The following OLFML2A variants were observed in gnomAD, a reference collection of about 807,000 sequenced individuals.
OLFML2A encodes the protein olfactomedin-like protein 2A.
Under a neutral mutation model 60.9 loss-of-function variants are expected in OLFML2A, and 47 were observed. That is an observed-to-expected ratio of 0.77 (90% CI 0.61 to 0.98). The LOEUF is 0.98. Ranked by LOEUF, OLFML2A falls within the 50% of genes least tolerant of loss-of-function variation. OLFML2A has a pLI of 0.00. For synonymous variants in OLFML2A, 372 were observed against 375.0 expected (o/e 0.99, Z 0.09); for missense variants, 922 against 879.8 (o/e 1.05, Z -0.61).
In OLFML2A at chr9:124,807,910, A is replaced by G. The variant is rs772208613; in HGVS notation, c.1298A>G (p.Asn433Ser). ...CGAGACGACAGGATCTATGTCACCA[A>G]CTACTACTATGGAAACAGCCTGGTG... Reference protein sequence around the residue: ...AARDDRIYVTNYYYGNSLVEF... With the variant: ...AARDDRIYVTSYYYGNSLVEF... Residue 433 changes from asparagine to serine, a missense_variant, in exon 7 of 8, where the codon AAC (asparagine) becomes AGC (serine). Asn to Ser is a conservative substitution (Grantham distance 46, BLOSUM62 1). Coordinates refer to ENST00000373580, the MANE Select transcript of OLFML2A (RefSeq NM_182487.4). 113 of 1,614,056 alleles carry G rather than the reference A, an allele frequency of 7.0e-5. No homozygotes were observed. The highest frequency in any genetic ancestry group is 8.7e-5 in the Non-Finnish European group (103 of 1,180,008).
rs1010700015 is a variant in OLFML2A at position 124,777,168 on chromosome 9, G to C, written c.-103G>C. 5.0e-6 allele frequency: 2 copies of C among 396,842 alleles called. No homozygotes were observed. Among genetic ancestry groups the C allele is most frequent in the Non-Finnish European group, 8.3e-6 (2 of 240,802 alleles). The allele number at this position is 396,842 out of a possible 1,614,324, so 24.6% of individuals were successfully genotyped here. ...GGCTGGCAGCAGGGTGCAGGCGCGG[G>C]GCGCGGGGCAGGCAGAGCGGGCGAA... is the stretch of plus-strand genomic sequence containing the variant. On this transcript the variant is annotated 5_prime_UTR_variant, in exon 1 of 8. Coordinates refer to ENST00000373580, the MANE Select transcript of OLFML2A (RefSeq NM_182487.4). This position sits in a 1 kb window ranked among gnomAD's most constrained non-coding sequence, Gnocchi z 6.2.
chr9:124,785,651 C>T (rs573477369), intron 1 of OLFML2A, among the ~76,000 whole-genome samples: 5 of 151,978 alleles, frequency 3.3e-5, no homozygotes, highest in Admixed American at 1.3e-4. Context: ...CTGCCTGCCT[C>T]GGCCTCCCAA....
chr9:124,793,128 ACTGGCCTGTGCAGGCC>A (rs1482256211), intron 2 of OLFML2A, among the ~76,000 whole-genome samples: 1 of 152,252 alleles, frequency 6.6e-6, no homozygotes. Context: ...AGGCAGGAGC[ACTGGCCTGTGCAGGCC>A]CTGGGAAATG....
rs144464975 is a variant in OLFML2A at position 124,789,392 on chromosome 9, G to C, written c.354+2154G>C. ...AGCTGGCAGAAGATGCAGCCTCCTG[G>C]TTCAAAGACAAAGGACTTTATTACA... On this transcript the variant is annotated intron_variant, in intron 2 of 7. Transcript: ENST00000373580. 3.6e-3 allele frequency among the ~76,000 whole-genome samples: 554 copies of C among 152,302 alleles called. 6 individuals are homozygous for C. The highest frequency in any genetic ancestry group is 0.013 in the African/African-American group (529 of 41,564).
chr9:124,799,857 C>T (rs549429131), intron 4 of OLFML2A, among the ~76,000 whole-genome samples: 5 of 152,210 alleles, frequency 3.3e-5, no homozygotes, highest in Non-Finnish European at 7.3e-5. Flanking sequence ...CACTTCTAGC[C>T]TCCCCTGCTG....
intron 1 of OLFML2A, among the ~76,000 whole-genome samples, chr9:124,780,974 G>A (rs948226435): frequency 3.9e-5 from 6 of 152,180 alleles, no homozygotes; most frequent in South Asian, 4.1e-4. Context: ...CTGAACCATC[G>A]GGTTAGAGCA....
chr9:124,795,221 A>G (rs1192801653), intron 3 of OLFML2A, 90 bp downstream of exon 3: 1 of 674,080 alleles, frequency 1.5e-6, no homozygotes, highest in Non-Finnish European at 2.6e-6. Flanking sequence ...TCCAGGCTTC[A>G]CCCTGGTGAC....
rs576705586 is a variant in OLFML2A, at chr9:124,784,533, A to G, written c.91-2442A>G. On this transcript the variant is annotated intron_variant, in intron 1 of 7. Coordinates refer to ENST00000373580, the MANE Select transcript of OLFML2A (RefSeq NM_182487.4). Reference sequence around the variant, plus strand: ...ATTATTTAAAAGTGTAATGCATGTGAAACCTGGTATATAAGTGATCAATAA... The same window carrying G: ...ATTATTTAAAAGTGTAATGCATGTGGAACCTGGTATATAAGTGATCAATAA... 1.1e-3 allele frequency among the ~76,000 whole-genome samples: 169 copies of G among 152,342 alleles called. No homozygotes were observed. The Middle Eastern group carries it at 0.014, about 12-fold the overall frequency.
In OLFML2A at chr9:124,813,335, T is replaced by G. The variant is rs1469243238; in HGVS notation, c.*2923T>G. The G allele has an allele frequency of 6.6e-6, 1 of 152,244 alleles. No homozygotes were observed. The highest frequency in any genetic ancestry group is 6.5e-5 in the Admixed American group (1 of 15,270). 9.4% of individuals were successfully genotyped at this position (152,244 alleles called of 1,614,324 possible). A position where few individuals can be genotyped will look rare whatever the true frequency, so the allele number is the denominator to read the frequency against. ...AGGCAGTTAAGTGGAGAACCAGGTT[T>G]CAAAATCAGGTAAGAAAACCATCAT... On this transcript the variant is annotated 3_prime_UTR_variant, in exon 8 of 8. Transcript: ENST00000373580.
At chr9:124,804,388 A>G (rs1201931848) in intron 6 of OLFML2A, 46 bp downstream of exon 6, 5 of 1,482,104 alleles carry the variant, frequency 3.4e-6, no homozygotes, top group Non-Finnish European at 4.5e-6. Context: ...CTGTGCCCAA[A>G]TCTAGCCCAC....
At chr9:124,801,222 G>A in intron 4 of OLFML2A, 192 bp from the exon 5 acceptor site, 2 of 882,402 alleles carry the variant, frequency 2.3e-6, no homozygotes, top group Non-Finnish European at 3.5e-6. Flanking sequence ...AGCTGGGTGA[G>A]GAAACTGAGG....
In OLFML2A at chr9:124,813,027, C is replaced by T. The variant is rs1027343470; in HGVS notation, c.*2615C>T. 8.0e-5 allele frequency: 12 copies of T among 150,092 alleles called. No individual in the cohort carries two copies. Among genetic ancestry groups the T allele is most frequent in the African/African-American group, 2.9e-4 (12 of 41,278 alleles). The allele number at this position is 150,092 out of a possible 1,614,324, so 9.3% of individuals were successfully genotyped here. On this transcript the variant is annotated 3_prime_UTR_variant, in exon 8 of 8. Transcript: ENST00000373580. ...GAATGCAATGGCGCGATTCAGCTCA[C>T]TGCAATCTCCGCCTCCCGGGTTCAA...
In OLFML2A at chr9:124,799,361, A is replaced by T; in HGVS notation, c.539A>T (p.His180Leu). ...CGCCACCTCAGTGAGCAGTTGAGGC[A>T]CTATGAGAATCACTCTGCCATCATG... ...SVRHLSEQLRHYENHSAIMLG... is the reference protein window; with the variant it reads ...SVRHLSEQLRLYENHSAIMLG... The change falls in exon 4 of 8, where the codon CAC becomes CTC. Residue 180 changes from histidine (H) to leucine (L), a missense_variant. Coordinates refer to ENST00000373580, the MANE Select transcript of OLFML2A (RefSeq NM_182487.4). The T allele has an allele frequency of 6.2e-7, 1 of 1,613,858 alleles. No individual in the cohort carries two copies. Among genetic ancestry groups the T allele is most frequent in the Non-Finnish European group, 8.5e-7 (1 of 1,179,882 alleles).
chr9:124,801,376 T>C (rs757044987), intron 4 of OLFML2A, 38 bp from the exon 5 acceptor site: 40 of 1,609,274 alleles, frequency 2.5e-5, no homozygotes, highest in Non-Finnish European at 3.1e-5. Context: ...ACATTTCTTC[T>C]ACTGTCCTTC....
At chr9:124,793,076 A>G (rs988918230) in intron 2 of OLFML2A, among the ~76,000 whole-genome samples, 3 of 152,212 alleles carry the variant, frequency 2.0e-5, no homozygotes, top group Admixed American at 6.5e-5. Context: ...ACCCCCTGGG[A>G]AGGTGGGAGT....
intron 2 of OLFML2A, among the ~76,000 whole-genome samples, chr9:124,793,781 T>C (rs754618590): frequency 6.6e-6 from 1 of 152,274 alleles, no homozygotes; most frequent in Non-Finnish European, 1.5e-5. Flanking sequence ...ATCCCAGTGC[T>C]TTGGGAGGCT....
Position 124,804,216 on chromosome 9 carries a change from G to A in OLFML2A, c.1042G>A (p.Val348Met). Residue 348 changes from valine (V) to methionine (M), a missense_variant, in exon 6 of 8, where the codon GTG becomes ATG. Physicochemically the swap from Val to Met is conservative, Grantham distance 21. Coordinates refer to ENST00000373580, the MANE Select transcript of OLFML2A (RefSeq NM_182487.4). ...DEAEPRSSER[V>M]DLASGTPTSI... is the part of the protein sequence containing the mutation. ...GGCTGAGCCCAGGTCCTCCGAGCGA[G>A]TGGACCTGGCTTCTGGCACCCCCAC... 6.2e-7 allele frequency: 1 copy of A among 1,614,072 alleles called. No homozygotes were observed. The highest frequency in any genetic ancestry group is 2.2e-5 in the East Asian group (1 of 44,872).
intron 2 of OLFML2A, among the ~76,000 whole-genome samples, chr9:124,793,633 C>T (rs1841608872): frequency 6.6e-6 from 1 of 152,234 alleles, no homozygotes; most frequent in South Asian, 2.1e-4. Flanking sequence ...CTGCATCCAT[C>T]TGTAAAATGA....
intron 7 of OLFML2A, among the ~76,000 whole-genome samples, chr9:124,809,148 C>T (rs957194814): frequency 6.6e-6 from 1 of 152,002 alleles, no homozygotes; most frequent in East Asian, 1.9e-4. Flanking sequence ...GCCTGGATGA[C>T]AGAGAGAGAC....
Sources: gnomAD v4.1 joint callset for allele counts (sites outside exome capture counted in the v4.1 genomes callset) on GRCh38, gnomAD v4.1.1 for gene constraint, Gnocchi (gnomAD v3.1) non-coding constraint, MANE v1.5 for transcripts, NCBI Gene and HGNC (gene_info 2026-07-23, HGNC 2026-07-21) for gene names.